MALRD1: variants seen among roughly 807,000 people sequenced by gnomAD.
MALRD1 encodes the protein MAM and LDL-receptor class A domain-containing protein 1.
In MALRD1, 247 loss-of-function variants were observed where a neutral mutation model predicts 242.1. The observed-to-expected ratio is 1.02, with a 90% CI of 0.92 to 1.13. The LOEUF (loss-of-function observed/expected upper bound fraction) is 1.13, where lower values mean the gene tolerates loss of function less well. Ranked by LOEUF, MALRD1 falls within the 50% of genes most tolerant of loss-of-function variation. The probability of loss-of-function intolerance (pLI) is 0.00; values close to 1 mark genes in which losing one functional copy is unlikely to be tolerated. For synonymous variants in MALRD1, 995 were observed against 866.6 expected (o/e 1.15, Z -2.60); for missense variants, 2,989 against 2,533.1 (o/e 1.18, Z -3.86).
chr10:19,249,113 A>T (rs1001744405), intron 18 of MALRD1, among the ~76,000 whole-genome samples: 1 of 150,996 alleles, frequency 6.6e-6, no homozygotes, highest in South Asian at 2.1e-4. Context: ...GTGTGTTTAT[A>T]TATTTCTTTT....
At chr10:19,428,181 G>A (rs999069710) in intron 28 of MALRD1, among the ~76,000 whole-genome samples, 2 of 151,800 alleles carry the variant, frequency 1.3e-5, no homozygotes, top group African/African-American at 4.8e-5. Flanking sequence ...TGGCAATTAG[G>A]AGATGGGTGG....
At chr10:19,191,528 G>T (rs1835974698) in intron 14 of MALRD1, among the ~76,000 whole-genome samples, 2 of 152,112 alleles carry the variant, frequency 1.3e-5, no homozygotes, top group African/African-American at 4.8e-5. Flanking sequence ...ATCTCAAAGA[G>T]ATATTTGCAC....
chr10:19,716,551 CT>C (rs1400258241), intron 38 of MALRD1, among the ~76,000 whole-genome samples: 8 of 152,224 alleles, frequency 5.3e-5, no homozygotes, highest in Admixed American at 5.2e-4. Context: ...AATCAAACCT[CT>C]TTTCTTTATA....
intron 28 of MALRD1, among the ~76,000 whole-genome samples, chr10:19,414,056 A>G (rs892324977): frequency 6.6e-6 from 1 of 152,172 alleles, no homozygotes; most frequent in Admixed American, 6.5e-5. Context: ...ACAAAAAAAA[A>G]AAGTTCAATT....
intron 14 of MALRD1, among the ~76,000 whole-genome samples, chr10:19,176,262 A>G (rs2131544276): frequency 6.6e-6 from 1 of 152,126 alleles, no homozygotes; most frequent in Non-Finnish European, 1.5e-5. Flanking sequence ...TAATCAAGAA[A>G]AATTTGGGTC....
chr10:19,095,457 G>C (rs1001041413), intron 4 of MALRD1, among the ~76,000 whole-genome samples: 1 of 152,178 alleles, frequency 6.6e-6, no homozygotes, highest in Non-Finnish European at 1.5e-5. Flanking sequence ...TCAAATATCA[G>C]TGTTGGGAGT....
At chr10:19,502,902 A>G (rs913044633) in intron 31 of MALRD1, among the ~76,000 whole-genome samples, 1 of 148,998 alleles carries the variant, frequency 6.7e-6, no homozygotes, top group East Asian at 2.0e-4. Flanking sequence ...TTCAATTGAT[A>G]CCTTTTAATG....
At position 19,595,975 on chromosome 10, in the gene MALRD1, T is replaced by C. The variant is rs964153201; in HGVS notation, c.5944+518T>C. On this transcript the variant is annotated intron_variant, in intron 34 of 39. Coordinates refer to ENST00000454679, the MANE Select transcript of MALRD1 (RefSeq NM_001142308.3). ...GGATAATGCATCCTAGAGATGTGGG[T>C]TTGAATTTCATCCCTGTTACTTACT... Among the ~76,000 whole-genome samples the C allele has an allele frequency of 3.9e-5, 6 of 152,336 alleles. No homozygotes were observed. In the East Asian group the frequency reaches 9.6e-4, roughly 24 times the overall value.
chr10:19,438,811 G>C (rs76649124), intron 28 of MALRD1, among the ~76,000 whole-genome samples: 1,202 of 98,992 alleles, frequency 0.012, 15 homozygotes, highest in Admixed American at 0.034. Context: ...CCACAGCTCA[G>C]ACAGACAAGC....
chr10:19,107,589 A>T, intron 5 of MALRD1, among the ~76,000 whole-genome samples: 1 of 145,050 alleles, frequency 6.9e-6, no homozygotes, highest in African/African-American at 2.6e-5. Context: ...TAATCTACTC[A>T]TCCACTCTAT....
At chr10:19,063,057 A>G (rs1429271636) in intron 1 of MALRD1, among the ~76,000 whole-genome samples, 1 of 151,942 alleles carries the variant, frequency 6.6e-6, no homozygotes, top group Non-Finnish European at 1.5e-5. Context: ...AGATGGGAGG[A>G]TCACTTGAGC....
At chr10:19,408,272 C>T (rs1833121939) in intron 28 of MALRD1, among the ~76,000 whole-genome samples, 1 of 152,126 alleles carries the variant, frequency 6.6e-6, no homozygotes, top group Admixed American at 6.6e-5. Context: ...CAGCAGGCGA[C>T]AGGTGCATCT....
chr10:19,325,415 T>C (rs889011873), intron 22 of MALRD1, among the ~76,000 whole-genome samples: 52 of 9,192 alleles, frequency 5.7e-3, no homozygotes, highest in Non-Finnish European at 6.7e-3. Flanking sequence ...AGTCCTGTAT[T>C]TTTTTTTTTT....
intron 10 of MALRD1, among the ~76,000 whole-genome samples, chr10:19,141,707 A>G (rs1308169746): frequency 6.6e-6 from 1 of 152,102 alleles, no homozygotes; most frequent in Non-Finnish European, 1.5e-5. Flanking sequence ...TTCCATGAAA[A>G]AGGGGTTTTT....
rs183730562 is a variant in MALRD1 at position 19,348,844 on chromosome 10, T to C, written c.4149+826T>C. On this transcript the variant is annotated intron_variant, in intron 25 of 39. Coordinates refer to ENST00000454679, the MANE Select transcript of MALRD1 (RefSeq NM_001142308.3). ...TGCTTACAAGAGATGGATACAGAAA[T>C]AAATACATTTACAATAAGAAATGCA... 2.0e-5 allele frequency among the ~76,000 whole-genome samples: 3 copies of C among 152,256 alleles called. No homozygotes were observed. The East Asian group carries it at 5.8e-4, about 29-fold the overall frequency.
At chr10:19,576,079 G>C (rs1420528065) in intron 33 of MALRD1, among the ~76,000 whole-genome samples, 2 of 152,230 alleles carry the variant, frequency 1.3e-5, no homozygotes, top group South Asian at 2.1e-4. Flanking sequence ...AAATTCAGAA[G>C]TAAGGCTAAG....
At chr10:19,693,314 A>G (rs1357644886) in intron 38 of MALRD1, among the ~76,000 whole-genome samples, 1 of 152,046 alleles carries the variant, frequency 6.6e-6, no homozygotes, top group African/African-American at 2.4e-5. Context: ...ATGATTGTAT[A>G]TCTAGAAAAC....
chr10:19,213,821 T>C (rs1350184256), intron 18 of MALRD1, among the ~76,000 whole-genome samples: 2 of 152,174 alleles, frequency 1.3e-5, no homozygotes, highest in Non-Finnish European at 1.5e-5. Context: ...TTAAGTTTAG[T>C]TGGAAAGAGT....
chr10:19,649,538 G>GA (rs1320115118), intron 36 of MALRD1, among the ~76,000 whole-genome samples: 2 of 152,124 alleles, frequency 1.3e-5, no homozygotes, highest in Non-Finnish European at 2.9e-5. Flanking sequence ...TGTCTTTTCA[G>GA]AAGTGTCTGT....
Sources: allele counts gnomAD v4.1 joint callset (sites outside exome capture counted in the v4.1 genomes callset), GRCh38; gene constraint gnomAD v4.1.1; transcripts MANE v1.5; gene names NCBI Gene and HGNC (gene_info 2026-07-23, HGNC 2026-07-21).